The following TBC1D24 variants were observed in gnomAD, a reference collection of about 807,000 sequenced individuals.
TBC1D24 encodes the protein TBC1 domain family member 24.
In TBC1D24, 47 loss-of-function variants were observed where a neutral mutation model predicts 50.7. That is an observed-to-expected ratio of 0.93 (90% confidence interval 0.73 to 1.18). The LOEUF (loss-of-function observed/expected upper bound fraction) is 1.18, where lower values mean the gene tolerates loss of function less well. TBC1D24 is among the 50% of genes most tolerant of loss of function. TBC1D24 has a pLI of 0.00. For missense variants in TBC1D24, 688 were observed against 766.5 expected (o/e 0.90, Z 1.21); for synonymous variants, 324 against 335.2 (o/e 0.97, Z 0.36).
chr16:2,500,003 C>A lies in TBC1D24; in HGVS notation c.1302+73C>A. The stretch of plus-strand genomic sequence containing the variant: ...GCATCCCTCCAGGAGCACCCGCCTG[C>A]CCTGGGGACACTGTTGGGTGTCGCC... On this transcript the variant is annotated intron_variant, in intron 6 of 7. Coordinates refer to ENST00000646147, the MANE Select transcript of TBC1D24 (RefSeq NM_001199107.2). The surrounding 1 kb of genome is among the most constrained non-coding windows in gnomAD (Gnocchi z 8.0). 7.3e-7 allele frequency: 1 copy of A among 1,367,240 alleles called. No individual in the cohort carries two copies. Among genetic ancestry groups the A allele is most frequent in the Non-Finnish European group, 1.0e-6 (1 of 954,926 alleles). 84.7% of individuals were successfully genotyped at this position (1,367,240 alleles called of 1,614,324 possible).
chr16:2,489,977 C>A (rs555673277), intron 1 of TBC1D24, among the ~76,000 whole-genome samples: 2 of 152,228 alleles, frequency 1.3e-5, no homozygotes, highest in Admixed American at 1.3e-4. Context: ...CGCCCTGTAG[C>A]GCAGCCAGCC....
rs564477999 is a variant in TBC1D24, at chr16:2,500,464, C to T, written c.1499C>T (p.Ala500Val). 16 of 1,579,916 alleles carry T rather than the reference C, an allele frequency of 1.0e-5. No homozygotes were observed. In the East Asian group the frequency reaches 2.3e-4, roughly 23 times the overall value. Reference sequence around the variant, plus strand: ...TCCAAGACCGAGTCCATGTTCATGGCGGGGGGCAGCGACTGCCTCATCGTC... The same window carrying T: ...TCCAAGACCGAGTCCATGTTCATGGTGGGGGGCAGCGACTGCCTCATCGTC... Reference protein sequence around the residue: ...LPSKTESMFMAGGSDCLIVGG... With the variant: ...LPSKTESMFMVGGSDCLIVGG... Residue 500 changes from alanine to valine, a missense_variant, in exon 7 of 8, where the codon GCG (alanine) becomes GTG (valine). Physicochemically the swap from Ala to Val is moderately conservative, Grantham distance 64. Transcript: ENST00000646147. This position sits in a 1 kb window ranked among gnomAD's most constrained non-coding sequence, Gnocchi z 8.0.
intron 1 of TBC1D24, chr16:2,493,514 G>A (rs1480655685): frequency 1.3e-5 from 2 of 152,212 alleles, no homozygotes; most frequent in Non-Finnish European, 2.9e-5. Flanking sequence ...TCCCAAGACA[G>A]TGTCTCGCAG....
At position 2,501,042 on chromosome 16, in the gene TBC1D24, A is replaced by T; in HGVS notation, c.*84A>T. On this transcript the variant is annotated 3_prime_UTR_variant, in exon 8 of 8. Coordinates refer to ENST00000646147, the MANE Select transcript of TBC1D24 (RefSeq NM_001199107.2). ...CCTCGGGCAGCAGAGAGCAGATGAA[A>T]CCCCCATGTGGTAGGCAGGGTTGGG... 1 of 1,557,090 alleles carries T rather than the reference A, an allele frequency of 6.4e-7. No individual in the cohort carries two copies. The highest frequency in any genetic ancestry group is 8.7e-7 in the Non-Finnish European group (1 of 1,149,246).
chr16:2,497,145 C>A, intron 2 of TBC1D24, 32 bp downstream of exon 2: 1 of 1,598,770 alleles, frequency 6.3e-7, no homozygotes, highest in Non-Finnish European at 8.5e-7. Context: ...AGGGGTACAC[C>A]CAGGGTCGGG....
chr16:2,498,144 G>T, intron 3 of TBC1D24, 94 bp from the exon 4 acceptor site: 1 of 1,494,868 alleles, frequency 6.7e-7, no homozygotes, highest in East Asian at 2.5e-5. Flanking sequence ...TTCCCTCTGG[G>T]TTTACTTCCA....
In TBC1D24 at chr16:2,499,488, G is replaced by A. The variant is rs2065772376; in HGVS notation, c.1206+68G>A. ...CAGGGCTGGCTCTGATGGGCTCCAG[G>A]GCTGGCTCTGATGGGCTTCAGGGCC... On this transcript the variant is annotated intron_variant, in intron 5 of 7. Transcript: ENST00000646147. This position sits in a 1 kb window ranked among gnomAD's most constrained non-coding sequence, Gnocchi z 4.0. 2 of 1,458,448 alleles carry A rather than the reference G, an allele frequency of 1.4e-6. No individual in the cohort carries two copies. Among genetic ancestry groups the A allele is most frequent in the South Asian group, 1.2e-5 (1 of 85,440 alleles). The allele number at this position is 1,458,448 out of a possible 1,614,324, so 90.3% of individuals were successfully genotyped here. A position where few individuals can be genotyped will look rare whatever the true frequency, so the allele number is the denominator to read the frequency against.
chr16:2,491,397 T>A (rs1366647396), intron 1 of TBC1D24, among the ~76,000 whole-genome samples: 3 of 152,024 alleles, frequency 2.0e-5, no homozygotes, highest in African/African-American at 7.3e-5. Flanking sequence ...ATTTTATTTT[T>A]TTTTTCAGAC....
rs568478567 is a variant in TBC1D24, at chr16:2,501,395, G to A, written c.*437G>A. ...CCCCCTGCTGGTGCCGCATAGCATC[G>A]CGCCCTCCTGAGCAGGGCCCTGCAG... is the stretch of plus-strand genomic sequence containing the variant. On this transcript the variant is annotated 3_prime_UTR_variant, in exon 8 of 8. Coordinates refer to ENST00000646147, the MANE Select transcript of TBC1D24 (RefSeq NM_001199107.2). 1.8e-5 allele frequency: 4 copies of A among 217,982 alleles called. No homozygotes were observed. The highest frequency in any genetic ancestry group is 1.2e-4 in the East Asian group (1 of 8,262). 13.5% of individuals were successfully genotyped at this position (217,982 alleles called of 1,614,324 possible).
In TBC1D24 at chr16:2,501,300, G is replaced by C; in HGVS notation, c.*342G>C. The C allele has an allele frequency of 5.6e-6, 2 of 359,360 alleles. No individual in the cohort carries two copies. Among genetic ancestry groups the C allele is most frequent in the South Asian group, 6.3e-5 (2 of 31,640 alleles). The allele number at this position is 359,360 out of a possible 1,614,324, so 22.3% of individuals were successfully genotyped here. On this transcript the variant is annotated 3_prime_UTR_variant, in exon 8 of 8. Transcript: ENST00000646147. Reference sequence around the variant, plus strand: ...GTCTTGCTGCCCCTGAGCCTCTCTAGGCAGCCTGAGCCCCTGGGGTGGGAG... The same window carrying C: ...GTCTTGCTGCCCCTGAGCCTCTCTACGCAGCCTGAGCCCCTGGGGTGGGAG...
Position 2,497,721 on chromosome 16 carries a change from C to T in TBC1D24, c.977C>T (p.Ser326Phe). ...ITVKQKSVSLSKRQFVHLAVH... is the reference protein window; with the variant it reads ...ITVKQKSVSLFKRQFVHLAVH... ...CTCCTGTTTTTCAGTGTGTCACTTT[C>T]TAAAAGGTAGGTCTGAAACTGTATC... Residue 326 changes from serine (S) to phenylalanine (F), a missense_variant, in exon 3 of 8, where the codon TCT becomes TTT. Transcript: ENST00000646147. 6.5e-7 allele frequency: 1 copy of T among 1,536,126 alleles called. No homozygotes were observed. The highest frequency in any genetic ancestry group is 8.7e-7 in the Non-Finnish European group (1 of 1,146,888).
At position 2,497,063 on chromosome 16, in the gene TBC1D24, G is replaced by A. The variant is rs1437428111; in HGVS notation, c.915G>A (p.Met305Ile). Residue 305 changes from methionine to isoleucine, a missense_variant, in exon 2 of 8, where the codon ATG becomes ATA. Physicochemically the swap from Met to Ile is conservative, Grantham distance 10. Coordinates refer to ENST00000646147, the MANE Select transcript of TBC1D24 (RefSeq NM_001199107.2). ...GCAAGGAGATCCAGCTCCTGCAGAT[G>A]GCCAATGAGAAAGCCCTGAAGCAGA... ...FSRKEIQLLQ[M>I]ANEKALKQKG... The A allele has an allele frequency of 6.2e-7, 1 of 1,611,694 alleles. No individual in the cohort carries two copies. The highest frequency in any genetic ancestry group is 8.5e-7 in the Non-Finnish European group (1 of 1,180,022).
chr16:2,482,096 G>C lies in TBC1D24; in HGVS notation c.-116+6926G>C, dbSNP rs1028291780. ...TTATGTGAAGATGCCTGCAGGAAAG[G>C]TCACACCTAGGGTGGGTGGACTAGT... On this transcript the variant is annotated intron_variant, in intron 1 of 7. Coordinates refer to ENST00000646147, the MANE Select transcript of TBC1D24 (RefSeq NM_001199107.2). This position sits in a 1 kb window ranked among gnomAD's most constrained non-coding sequence, Gnocchi z 5.2. 3.9e-5 allele frequency: 6 copies of C among 152,262 alleles called. No individual in the cohort carries two copies. The highest frequency in any genetic ancestry group is 1.4e-4 in the African/African-American group (6 of 41,466). The allele number at this position is 152,262 out of a possible 1,614,324, so 9.4% of individuals were successfully genotyped here.
At chr16:2,492,646 G>A (rs1184503001) in intron 1 of TBC1D24, among the ~76,000 whole-genome samples, 1 of 152,170 alleles carries the variant, frequency 6.6e-6, no homozygotes, top group Non-Finnish European at 1.5e-5. Flanking sequence ...GTGGCTGTGC[G>A]CATGTGAGTG....
intron 1 of TBC1D24, chr16:2,478,874 T>A (rs1253867015): frequency 1.3e-5 from 2 of 151,278 alleles, no homozygotes. Context: ...GCTGGGACGA[T>A]AGACTTTTTT....
chr16:2,491,747 G>T (rs1407451647), intron 1 of TBC1D24, among the ~76,000 whole-genome samples: 1 of 152,086 alleles, frequency 6.6e-6, no homozygotes, highest in Non-Finnish European at 1.5e-5. Flanking sequence ...GTAGAGACGG[G>T]GTTTTACCTG....
rs1167104374 is a variant in TBC1D24 at position 2,504,683 on chromosome 16, T to C, written c.*3725T>C. 2.6e-5 allele frequency: 4 copies of C among 152,122 alleles called. No individual in the cohort carries two copies. The highest frequency in any genetic ancestry group is 1.3e-4 in the Admixed American group (2 of 15,270). 9.4% of individuals were successfully genotyped at this position (152,122 alleles called of 1,614,324 possible). A position where few individuals can be genotyped will look rare whatever the true frequency, so the allele number is the denominator to read the frequency against. ...ATCTGCCCTCCTCGGCCTCCCAAAGTGCTGGGATTACAGGCGTGAGCAACC... is the reference window on the plus strand; with the variant it reads ...ATCTGCCCTCCTCGGCCTCCCAAAGCGCTGGGATTACAGGCGTGAGCAACC... On this transcript the variant is annotated 3_prime_UTR_variant, in exon 8 of 8. Coordinates refer to ENST00000646147, the MANE Select transcript of TBC1D24 (RefSeq NM_001199107.2).
chr16:2,488,493 CTTTTTTTTTTTTTTTT>C (rs34983305), intron 1 of TBC1D24, among the ~76,000 whole-genome samples: 5 of 100,722 alleles, frequency 5.0e-5, no homozygotes, highest in South Asian at 3.2e-4. Context: ...TCGCACATAG[CTTTTTTTTTTTTTTTT>C]TTTTTTTTTT....
Position 2,500,122 on chromosome 16 carries a change from G to C in TBC1D24, c.1303-146G>C. ...CCGGGGCAGGGGGCTTCATCTGCTC[G>C]AGCCACCAGCTCCCCAGCCCCTGGC... On this transcript the variant is annotated intron_variant, in intron 6 of 7. Coordinates refer to ENST00000646147, the MANE Select transcript of TBC1D24 (RefSeq NM_001199107.2). This position sits in a 1 kb window ranked among gnomAD's most constrained non-coding sequence, Gnocchi z 8.0. 2 of 962,668 alleles carry C rather than the reference G, an allele frequency of 2.1e-6. No individual in the cohort carries two copies. Among genetic ancestry groups the C allele is most frequent in the South Asian group, 1.4e-5 (1 of 71,024 alleles). The allele number at this position is 962,668 out of a possible 1,614,324, so 59.6% of individuals were successfully genotyped here.
Sources: allele counts gnomAD v4.1 joint callset (sites outside exome capture counted in the v4.1 genomes callset), GRCh38; gene constraint gnomAD v4.1.1; non-coding constraint Gnocchi (gnomAD v3.1); transcripts MANE v1.5; gene names NCBI Gene and HGNC (gene_info 2026-07-23, HGNC 2026-07-21).